Variants in TERT observed in about 807,000 individuals in gnomAD.
TERT encodes the protein telomerase reverse transcriptase.
A neutral mutation model predicts 104.0 loss-of-function variants in TERT; 42 were observed. That is an observed-to-expected ratio of 0.40 (90% CI 0.32 to 0.52). TERT has a LOEUF of 0.52. TERT is among the 20% of genes least tolerant of loss of function. TERT has a pLI of 0.43. For synonymous variants in TERT, 781 were observed against 725.6 expected, an observed-to-expected ratio of 1.08 and a Z score of -1.23; for missense variants, 1,101 against 1,610.3, an observed-to-expected ratio of 0.68 and a Z score of 5.41.
At chr5:1,284,175 G>A (rs534774219) in intron 2 of TERT, among the ~76,000 whole-genome samples, 43 of 90,262 alleles carry the variant, frequency 4.8e-4, no homozygotes, top group Non-Finnish European at 6.8e-4. Context: ...TCCAGACGCC[G>A]CACATCCAGC....
chr5:1,253,906 G>A, intron 15 of TERT, 75 bp from the exon 16 acceptor site: 3 of 1,496,090 alleles, frequency 2.0e-6, no homozygotes, highest in East Asian at 2.4e-5. Flanking sequence ...GGACGTGTGG[G>A]TGGCCGGGCA....
In TERT at chr5:1,253,818, C is replaced by G. The variant is rs1311028871; in HGVS notation, c.3309G>C (p.Leu1103=). Residue 1103 remains leucine, a synonymous_variant, in exon 16 of 16, where the codon CTG becomes CTC. Transcript: ENST00000310581. The part of the protein sequence containing the change: ...LGSLRTAQTQ[L]SRKLPGTTLT... ...GCGTCGTCCCCGGGAGCTTCCGACT[C>G]AGCTGCGTCTGGGCTGCGGGGCCAA... The G allele has an allele frequency of 1.9e-6, 3 of 1,610,164 alleles. No individual in the cohort carries two copies. Among genetic ancestry groups the G allele is most frequent in the African/African-American group, 1.3e-5 (1 of 74,936 alleles).
rs1749443032 is a variant in TERT, at chr5:1,274,941, G to A, written c.2287-2661C>T. Among the ~76,000 whole-genome samples, 1 of 152,204 alleles carries A rather than the reference G, an allele frequency of 6.6e-6. No individual in the cohort carries two copies. Among genetic ancestry groups the A allele is most frequent in the Admixed American group, 6.5e-5 (1 of 15,276 alleles). On this transcript the variant is annotated intron_variant, in intron 6 of 15. Coordinates refer to ENST00000310581, the MANE Select transcript of TERT (RefSeq NM_198253.3). This position sits in a 1 kb window ranked among gnomAD's most constrained non-coding sequence, Gnocchi z 5.3. ...CACCAATTACGCAGGAAACAGCCGG[G>A]AAATCAGCACACGTGAAACTCTTCT...
rs528584223 is a variant in TERT, at chr5:1,256,352, T to C, written c.3033-941A>G. Among the ~76,000 whole-genome samples, 52 of 152,160 alleles carry C rather than the reference T, an allele frequency of 3.4e-4. No individual in the cohort carries two copies. The highest frequency in any genetic ancestry group is 1.1e-3 in the African/African-American group (47 of 41,500). On this transcript the variant is annotated intron_variant, in intron 13 of 15. Transcript: ENST00000310581. This position sits in a 1 kb window ranked among gnomAD's most constrained non-coding sequence, Gnocchi z 7.0. The stretch of plus-strand genomic sequence containing the variant: ...CTTTGGCCTCTCAGCTTCCTGGGAC[T>C]TTGGGGCAGGTGTGCACAGACCTGG...
At position 1,257,184 on chromosome 5, in the gene TERT, G is replaced by T. The variant is rs563144071; in HGVS notation, c.3032+1414C>A. Among the ~76,000 whole-genome samples the T allele has an allele frequency of 6.6e-6, 1 of 152,304 alleles. No individual in the cohort carries two copies. The highest frequency in any genetic ancestry group is 2.4e-5 in the African/African-American group (1 of 41,572). On this transcript the variant is annotated intron_variant, in intron 13 of 15. Coordinates refer to ENST00000310581, the MANE Select transcript of TERT (RefSeq NM_198253.3). The surrounding 1 kb of genome is among the most constrained non-coding windows in gnomAD (Gnocchi z 5.6). ...TGGGGAAACTCAGCCGCCCTGCCCT[G>T]AGCCCAGGCCCTCTACGGGAGCTCC...
chr5:1,269,328 G>A lies in TERT; in HGVS notation c.2469-695C>T, dbSNP rs1338230239. ...TGGTCACCTTAAAAAGAGGCTTTCC[G>A]GCTGGGCGTGATGGCTCACACCTGT... On this transcript the variant is annotated intron_variant, in intron 8 of 15. Transcript: ENST00000310581. This position sits in a 1 kb window ranked among gnomAD's most constrained non-coding sequence, Gnocchi z 9.0. Among the ~76,000 whole-genome samples, 3 of 151,988 alleles carry A rather than the reference G, an allele frequency of 2.0e-5. No individual in the cohort carries two copies. The highest frequency in any genetic ancestry group is 4.4e-5 in the Non-Finnish European group (3 of 67,994).
chr5:1,281,484 G>A (rs746709093), intron 3 of TERT, among the ~76,000 whole-genome samples: 29 of 152,190 alleles, frequency 1.9e-4, no homozygotes, highest in Admixed American at 2.0e-4. Flanking sequence ...GGCGGGACAC[G>A]GAGAAGCTAA....
intron 2 of TERT, among the ~76,000 whole-genome samples, chr5:1,291,691 C>A (rs1750994146): frequency 6.7e-6 from 1 of 149,604 alleles, no homozygotes; most frequent in African/African-American, 2.5e-5. Context: ...GGGGGCCGCG[C>A]CTCACTCACC....
intron 6 of TERT, among the ~76,000 whole-genome samples, chr5:1,277,514 C>T (rs550874448): frequency 7.2e-5 from 11 of 152,082 alleles, no homozygotes; most frequent in Non-Finnish European, 1.6e-4. Context: ...CCTGATCTCA[C>T]TCACATGGAG....
At chr5:1,271,024 A>C in intron 8 of TERT, 95 bp downstream of exon 8, 2 of 1,012,000 alleles carry the variant, frequency 2.0e-6, no homozygotes, top group Non-Finnish European at 3.1e-6. Flanking sequence ...CCCGGGCAGA[A>C]GGGCAGTGGG....
rs1045889153 is a variant in TERT at position 1,262,093 on chromosome 5, C to T, written c.2844-1493G>A. On this transcript the variant is annotated intron_variant, in intron 11 of 15. Coordinates refer to ENST00000310581, the MANE Select transcript of TERT (RefSeq NM_198253.3). The surrounding 1 kb of genome is among the most constrained non-coding windows in gnomAD (Gnocchi z 5.6). ...TCATCCGCCTCCCTGTGTGTCCTTC[C>T]CCAACACCAAACCAGGGAACGTTCA... Among the ~76,000 whole-genome samples, 12 of 152,170 alleles carry T rather than the reference C, an allele frequency of 7.9e-5. No individual in the cohort carries two copies. The highest frequency in any genetic ancestry group is 2.9e-4 in the African/African-American group (12 of 41,436).
rs2126641556 is a variant in TERT at position 1,279,273 on chromosome 5, G to A, written c.2130+18C>T. 6.4e-7 allele frequency: 1 copy of A among 1,562,398 alleles called. No individual in the cohort carries two copies. Among genetic ancestry groups the A allele is most frequent in the East Asian group, 2.4e-5 (1 of 41,970 alleles). On this transcript the variant is annotated intron_variant, in intron 5 of 15. Coordinates refer to ENST00000310581, the MANE Select transcript of TERT (RefSeq NM_198253.3). ...CCAAGGTCCAGCAGGGCTGCTCACG[G>A]GGGTCCCCGGCACCCACCTTGACAA...
intron 12 of TERT, among the ~76,000 whole-genome samples, chr5:1,260,148 A>G (rs1440534458): frequency 6.6e-6 from 1 of 152,156 alleles, no homozygotes; most frequent in Non-Finnish European, 1.5e-5. Flanking sequence ...AATACATGTT[A>G]TGTGCACACA....
Position 1,293,649 on chromosome 5 carries a change from A to T in TERT, c.1237T>A (p.Cys413Ser). ...GGGGTGACCGCAGCTCGCAGCGGGC[A>T]GTGCGTCTTGAGGAGCACCCCGTAG... ...CPYGVLLKTH[C>S]PLRAAVTPAA... Residue 413 changes from cysteine to serine, a missense_variant, in exon 2 of 16, where the codon TGC (cysteine) becomes AGC (serine). Cys to Ser is a moderately radical substitution (Grantham distance 112, BLOSUM62 -1). Transcript: ENST00000310581. 6.4e-7 allele frequency: 1 copy of T among 1,560,644 alleles called. No individual in the cohort carries two copies. The highest frequency in any genetic ancestry group is 8.7e-7 in the Non-Finnish European group (1 of 1,152,768).
chr5:1,291,016 C>A (rs191230669), intron 2 of TERT, among the ~76,000 whole-genome samples: 8 of 7,736 alleles, frequency 1.0e-3, no homozygotes, highest in Non-Finnish European at 1.4e-3. Flanking sequence ...ACCTGGGGAC[C>A]GCGCCTCACT....
At chr5:1,258,346 C>T (rs1050202315) in intron 13 of TERT, among the ~76,000 whole-genome samples, 1 of 152,278 alleles carries the variant, frequency 6.6e-6, no homozygotes. Context: ...CATGACGTCC[C>T]ACGGCCAGTG....
At position 1,292,461 on chromosome 5, in the gene TERT, C is replaced by T. The variant is rs1218752862; in HGVS notation, c.1573+852G>A. The stretch of plus-strand genomic sequence containing the variant: ...CCTAAAGATGGGACCAGGATCTGTG[C>T]TGGAGAACAGTCTTATCTCCCTCCC... On this transcript the variant is annotated intron_variant, in intron 2 of 15. Coordinates refer to ENST00000310581, the MANE Select transcript of TERT (RefSeq NM_198253.3). The surrounding 1 kb of genome is among the most constrained non-coding windows in gnomAD (Gnocchi z 5.5). 6.6e-6 allele frequency among the ~76,000 whole-genome samples: 1 copy of T among 152,144 alleles called. No individual in the cohort carries two copies. Among genetic ancestry groups the T allele is most frequent in the Non-Finnish European group, 1.5e-5 (1 of 68,028 alleles).
At position 1,269,405 on chromosome 5, in the gene TERT, T is replaced by A. The variant is rs190885630; in HGVS notation, c.2469-772A>T. Among the ~76,000 whole-genome samples, 15 of 151,752 alleles carry A rather than the reference T, an allele frequency of 9.9e-5. No individual in the cohort carries two copies. The East Asian group carries it at 2.1e-3, about 22-fold the overall frequency. ...TGGGTGGATCACCTGAGGTCAGGAG[T>A]TCGAGACCAGCCTGGCCAACATGGC... On this transcript the variant is annotated intron_variant, in intron 8 of 15. Transcript: ENST00000310581. This position sits in a 1 kb window ranked among gnomAD's most constrained non-coding sequence, Gnocchi z 9.0.
In TERT at chr5:1,294,202, G is replaced by A. The variant is rs1403152390; in HGVS notation, c.684C>T (p.Ala228=). The A allele has an allele frequency of 3.8e-6, 6 of 1,581,568 alleles. No homozygotes were observed. In the Admixed American group the frequency reaches 6.9e-5, roughly 18 times the overall value. The change falls in exon 2 of 16, where the codon GCC becomes GCT. Residue 228 remains alanine, a synonymous_variant. Transcript: ENST00000310581. ...TCTTGGGCAACGGCAGACTTCGGCT[G>A]GCACTGCCCCCGCGCCTCCTCGCAC... ...APGARRRGGS[A]SRSLPLPKRP...
Sources: allele counts gnomAD v4.1 joint callset (sites outside exome capture counted in the v4.1 genomes callset), GRCh38; gene constraint gnomAD v4.1.1; non-coding constraint Gnocchi (gnomAD v3.1); transcripts MANE v1.5; gene names NCBI Gene and HGNC (gene_info 2026-07-23, HGNC 2026-07-21).